CDK5RAP2: variants seen among roughly 807,000 people sequenced by gnomAD.
CDK5RAP2 encodes the protein CDK5 regulatory subunit associated protein 2.
In CDK5RAP2, 147 loss-of-function variants were observed where a neutral mutation model predicts 232.9. That is an observed-to-expected ratio of 0.63 (90% CI 0.55 to 0.72). CDK5RAP2 has a LOEUF of 0.72. Among genes scored for constraint, CDK5RAP2 ranks in the 30% least tolerant of loss-of-function variants. CDK5RAP2 has a pLI of 0.00. For synonymous variants in CDK5RAP2, 833 were observed against 833.7 expected (o/e 1.00, Z 0.01); for missense variants, 2,195 against 2,231.5 (o/e 0.98, Z 0.33).
In CDK5RAP2 at chr9:120,422,921, T is replaced by C. The variant is rs1187736188; in HGVS notation, c.3956-180A>G. ...CAATTCAGACTATAGACTTCTCCTTTATCACTGCATTGACACTAGTGCTAG... is the reference window on the plus strand; with the variant it reads ...CAATTCAGACTATAGACTTCTCCTTCATCACTGCATTGACACTAGTGCTAG... On this transcript the variant is annotated intron_variant, in intron 25 of 37. Coordinates refer to ENST00000349780, the MANE Select transcript of CDK5RAP2 (RefSeq NM_018249.6). 2.6e-5 allele frequency among the ~76,000 whole-genome samples: 4 copies of C among 152,268 alleles called. No homozygotes were observed. The East Asian group carries it at 7.7e-4, about 29-fold the overall frequency.
chr9:120,531,607 T>A (rs2041155128), intron 7 of CDK5RAP2, among the ~76,000 whole-genome samples: 1 of 151,718 alleles, frequency 6.6e-6, no homozygotes, highest in African/African-American at 2.4e-5. Context: ...ACAGTTGTTA[T>A]AATTATTACT....
At chr9:120,497,231 C>T (rs1199858322) in intron 12 of CDK5RAP2, among the ~76,000 whole-genome samples, 2 of 131,416 alleles carry the variant, frequency 1.5e-5, no homozygotes, top group African/African-American at 3.5e-5. Context: ...TTAAGAGTCA[C>T]CACCACTCCC....
intron 14 of CDK5RAP2, among the ~76,000 whole-genome samples, chr9:120,483,573 T>C (rs968505023): frequency 3.9e-5 from 6 of 152,248 alleles, no homozygotes; most frequent in African/African-American, 9.6e-5. Context: ...AACTACCCAA[T>C]GTGGGGTTCT....
intron 28 of CDK5RAP2, among the ~76,000 whole-genome samples, chr9:120,414,346 G>A (rs534485947): frequency 6.6e-6 from 1 of 152,172 alleles, no homozygotes; most frequent in Admixed American, 6.5e-5. Context: ...AGTGCGCCAA[G>A]CTGCTTTCAA....
chr9:120,390,064 A>G (rs1327871871), intron 36 of CDK5RAP2: 5 of 452,158 alleles, frequency 1.1e-5, no homozygotes, highest in Non-Finnish European at 2.1e-5. Flanking sequence ...GCCGGTTCAG[A>G]GAACACCCTA....
chr9:120,475,387 A>C (rs561916777), intron 15 of CDK5RAP2, among the ~76,000 whole-genome samples: 1 of 152,290 alleles, frequency 6.6e-6, no homozygotes, highest in East Asian at 1.9e-4. Flanking sequence ...GTTTTCATTC[A>C]TTAAGAAAGA....
rs1564287344 is a variant in CDK5RAP2, at chr9:120,487,696, G to A, written c.1483-259C>T. 7.2e-5 allele frequency among the ~76,000 whole-genome samples: 11 copies of A among 152,226 alleles called. No individual in the cohort carries two copies. In the South Asian group the frequency reaches 2.3e-3, roughly 32 times the overall value. ...GTCGCAGTCGCTACAAACCGTCCTCGCTCACCACCACTGTGACTACCTTCC... is the reference window on the plus strand; with the variant it reads ...GTCGCAGTCGCTACAAACCGTCCTCACTCACCACCACTGTGACTACCTTCC... On this transcript the variant is annotated intron_variant, in intron 13 of 37. Coordinates refer to ENST00000349780, the MANE Select transcript of CDK5RAP2 (RefSeq NM_018249.6).
chr9:120,520,247 C>T (rs761243823), intron 11 of CDK5RAP2, among the ~76,000 whole-genome samples: 2 of 152,184 alleles, frequency 1.3e-5, no homozygotes, highest in Non-Finnish European at 2.9e-5. Context: ...ACACTCATAT[C>T]AAGAAACACA....
chr9:120,402,785 C>T lies in CDK5RAP2; in HGVS notation c.5307+21G>A, dbSNP rs201584349. 3.7e-6 allele frequency: 6 copies of T among 1,613,240 alleles called. No homozygotes were observed. In the African/African-American group the frequency reaches 5.3e-5, roughly 14 times the overall value. On this transcript the variant is annotated intron_variant, in intron 34 of 37. Transcript: ENST00000349780. ...ACTCCCAGGGAGCAGCTTGTGCCCC[C>T]CAGCTCTGTGGTCAGGTTACCTTTG...
chr9:120,409,300 A>G lies in CDK5RAP2; in HGVS notation c.4431T>C (p.Asn1477=). Residue 1477 remains asparagine, a synonymous_variant, in exon 30 of 38, where the codon AAT becomes AAC. Transcript: ENST00000349780. ...TGGAGAGGGACTCTCGTAATTTGTC[A>G]TTCTCCTTCTGTTTATCTGCAAACA... ...IKGSRDKQKE[N]DKLRESLSRK... is the part of the protein sequence containing the mutation. The G allele has an allele frequency of 1.2e-6, 2 of 1,600,474 alleles. No individual in the cohort carries two copies. The highest frequency in any genetic ancestry group is 1.1e-5 in the South Asian group (1 of 89,554).
chr9:120,480,693 A>G (rs1564278921), intron 14 of CDK5RAP2, among the ~76,000 whole-genome samples: 1 of 152,186 alleles, frequency 6.6e-6, no homozygotes, highest in Non-Finnish European at 1.5e-5. Context: ...GCTTCAGTAG[A>G]TTGCCAAAAG....
At chr9:120,505,777 A>G (rs1480723351) in intron 12 of CDK5RAP2, among the ~76,000 whole-genome samples, 1 of 152,284 alleles carries the variant, frequency 6.6e-6, no homozygotes, top group Admixed American at 6.5e-5. Context: ...TCCAGAGCAA[A>G]GCCTTAACTC....
chr9:120,460,474 A>T, intron 19 of CDK5RAP2, 98 bp downstream of exon 19: 1 of 1,091,924 alleles, frequency 9.2e-7, no homozygotes, highest in Non-Finnish European at 1.4e-6. Flanking sequence ...ATATAGGCAG[A>T]ATGAACAGAA....
intron 15 of CDK5RAP2, among the ~76,000 whole-genome samples, chr9:120,475,556 C>T (rs147588230): frequency 8.5e-5 from 13 of 152,232 alleles, no homozygotes; most frequent in South Asian, 2.1e-4. Flanking sequence ...AGTTTCCACA[C>T]GACTCAACCC....
chr9:120,512,910 T>C (rs2040161901), intron 12 of CDK5RAP2, among the ~76,000 whole-genome samples: 2 of 152,232 alleles, frequency 1.3e-5, no homozygotes, highest in Non-Finnish European at 2.9e-5. Context: ...GCTTTATTTC[T>C]ACCACTCTGA....
At chr9:120,536,129 T>A (rs978782215) in intron 7 of CDK5RAP2, among the ~76,000 whole-genome samples, 3 of 152,220 alleles carry the variant, frequency 2.0e-5, no homozygotes, top group Non-Finnish European at 4.4e-5. Flanking sequence ...TGGAACTTTT[T>A]AGCATGAATG....
At chr9:120,435,185 C>G (rs2035506260) in intron 25 of CDK5RAP2, among the ~76,000 whole-genome samples, 1 of 152,110 alleles carries the variant, frequency 6.6e-6, no homozygotes, top group Non-Finnish European at 1.5e-5. Context: ...GTATTTTTAG[C>G]CTAAAAACAA....
chr9:120,420,264 C>T (rs1417313029), intron 26 of CDK5RAP2, among the ~76,000 whole-genome samples: 1 of 152,198 alleles, frequency 6.6e-6, no homozygotes, highest in Non-Finnish European at 1.5e-5. Context: ...AATAACCTCT[C>T]TATACCAAGC....
intron 12 of CDK5RAP2, among the ~76,000 whole-genome samples, chr9:120,503,383 G>A (rs1447979801): frequency 2.0e-5 from 3 of 152,154 alleles, no homozygotes; most frequent in African/African-American, 4.8e-5. Flanking sequence ...CCCTGAAGAA[G>A]AGTGCTGCCA....
Sources: gnomAD v4.1 joint callset for allele counts (sites outside exome capture counted in the v4.1 genomes callset) on GRCh38, gnomAD v4.1.1 for gene constraint, MANE v1.5 for transcripts, NCBI Gene and HGNC (gene_info 2026-07-23, HGNC 2026-07-21) for gene names.